The following TBC1D19 variants were observed in gnomAD, a reference collection of about 807,000 sequenced individuals.
TBC1D19 encodes the protein TBC1 domain family, member 19.
TBC1D19 carries 60 observed loss-of-function variants against 89.0 expected under a neutral mutation model. The ratio of observed to expected loss-of-function variants is 0.67; its 90% CI spans 0.55 to 0.84. TBC1D19 has a LOEUF of 0.84. TBC1D19 is among the 40% of genes least tolerant of loss of function. The pLI is 0.00. For synonymous variants in TBC1D19, 189 were observed against 199.7 expected (o/e 0.95, Z 0.45); for missense variants, 500 against 610.8 (o/e 0.82, Z 1.91).
intron 7 of TBC1D19, among the ~76,000 whole-genome samples, chr4:26,644,097 C>G (rs1284420720): frequency 2.6e-5 from 4 of 152,036 alleles, no homozygotes; most frequent in African/African-American, 9.7e-5. Flanking sequence ...ATCCGGATAC[C>G]AAAGCCTGGC....
chr4:26,593,459 C>G (rs1739968014), intron 1 of TBC1D19, among the ~76,000 whole-genome samples: 1 of 152,142 alleles, frequency 6.6e-6, no homozygotes, highest in African/African-American at 2.4e-5. Flanking sequence ...ACACCAAAAG[C>G]AATGGCAACA....
the TBC1D19 span, among the ~76,000 whole-genome samples, chr4:26,818,467 G>A: frequency 6.6e-6 from 1 of 152,146 alleles, no homozygotes; most frequent in Non-Finnish European, 1.5e-5. Context: ...TGTTGCCCAA[G>A]CTGGTCTCGA....
Position 26,683,750 on chromosome 4 carries a change from G to C in TBC1D19, c.891+1G>C, listed in dbSNP as rs1262339387. The C allele has an allele frequency of 6.2e-7, 1 of 1,606,478 alleles. No individual in the cohort carries two copies. The highest frequency in any genetic ancestry group is 8.5e-7 in the Non-Finnish European group (1 of 1,177,566). On this transcript the variant is annotated splice_donor_variant, in intron 12 of 20. Transcript: ENST00000264866. LOFTEE classifies it high-confidence loss of function. ...TTTGGTGGACAGTCTAATCTATAAAGTAAGTAAAAGTCAGCTTAGTTTTTC... is the reference window on the plus strand; with the variant it reads ...TTTGGTGGACAGTCTAATCTATAAACTAAGTAAAAGTCAGCTTAGTTTTTC...
chr4:26,791,011 T>C, the TBC1D19 span, among the ~76,000 whole-genome samples: 1 of 152,152 alleles, frequency 6.6e-6, no homozygotes, highest in East Asian at 1.9e-4. Context: ...AAGGTCATCT[T>C]TAGCTCTTTT....
the TBC1D19 span, among the ~76,000 whole-genome samples, chr4:26,830,861 C>G: frequency 5.9e-5 from 9 of 152,180 alleles, no homozygotes; most frequent in Non-Finnish European, 8.8e-5. Context: ...ACTGAACACG[C>G]TAGCCTCAGA....
At chr4:26,657,056 G>GTTC (rs59336873) in intron 7 of TBC1D19, among the ~76,000 whole-genome samples, 4,430 of 121,078 alleles carry the variant, frequency 0.037, 211 homozygotes, top group African/African-American at 0.13. Context: ...TCCTCTTCTT[G>GTTC]TTCTTCTTCT....
At chr4:26,820,019 A>G in the TBC1D19 span, among the ~76,000 whole-genome samples, 1 of 152,136 alleles carries the variant, frequency 6.6e-6, no homozygotes, top group Admixed American at 6.5e-5. Context: ...GCAAACTTCA[A>G]CATTTTTCTC....
intron 11 of TBC1D19, among the ~76,000 whole-genome samples, chr4:26,676,995 CTTT>C (rs1712871513): frequency 6.6e-6 from 1 of 152,130 alleles, no homozygotes; most frequent in Admixed American, 6.5e-5. Context: ...CTTTTCTAAA[CTTT>C]AAATGCAGCT....
chr4:26,661,764 T>C (rs940109144), intron 8 of TBC1D19, among the ~76,000 whole-genome samples: 1 of 152,158 alleles, frequency 6.6e-6, no homozygotes, highest in Non-Finnish European at 1.5e-5. Flanking sequence ...CATGACAGTA[T>C]ACTAGCATGC....
At chr4:26,774,394 G>A in the TBC1D19 span, among the ~76,000 whole-genome samples, 196 of 152,288 alleles carry the variant, frequency 1.3e-3, no homozygotes, top group African/African-American at 4.2e-3. Flanking sequence ...AGTCTAATCC[G>A]TTTAATAATA....
the TBC1D19 span, among the ~76,000 whole-genome samples, chr4:26,808,747 GA>G: frequency 1.6e-5 from 2 of 121,772 alleles, no homozygotes; most frequent in African/African-American, 5.9e-5. Flanking sequence ...AAAAAAAAAA[GA>G]AAAAGAAAAA....
At chr4:26,844,055 G>A in the TBC1D19 span, among the ~76,000 whole-genome samples, 5 of 152,248 alleles carry the variant, frequency 3.3e-5, 1 homozygote, top group Admixed American at 3.3e-4. Context: ...TTTAACATGG[G>A]ATTTGGAGGG....
chr4:26,599,824 T>C (rs1323877337), intron 1 of TBC1D19, among the ~76,000 whole-genome samples: 1 of 151,920 alleles, frequency 6.6e-6, no homozygotes, highest in African/African-American at 2.4e-5. Context: ...GGCGTGCATC[T>C]GTAGTCCCAG....
intron 9 of TBC1D19, among the ~76,000 whole-genome samples, chr4:26,668,606 A>G (rs886135364): frequency 5.3e-5 from 8 of 151,978 alleles, no homozygotes; most frequent in African/African-American, 1.9e-4. Flanking sequence ...GAAGGAGGCC[A>G]ATGACCTCTT....
At chr4:26,638,117 T>G (rs1032538167) in intron 5 of TBC1D19, among the ~76,000 whole-genome samples, 2 of 148,400 alleles carry the variant, frequency 1.3e-5, no homozygotes, top group Non-Finnish European at 2.9e-5. Context: ...GGAGAAAAGA[T>G]GAGAAAGAAA....
chr4:26,858,262 T>G, the TBC1D19 span: 2 of 143,652 alleles, frequency 1.4e-5, no homozygotes, highest in African/African-American at 2.7e-5. Flanking sequence ...TTGGTGAAAA[T>G]GGGACAGTGA....
intron 8 of TBC1D19, among the ~76,000 whole-genome samples, chr4:26,663,247 T>G (rs930276183): frequency 6.6e-6 from 1 of 152,174 alleles, no homozygotes; most frequent in Non-Finnish European, 1.5e-5. Flanking sequence ...AGTATAAGAA[T>G]GAAAACATTG....
intron 1 of TBC1D19, among the ~76,000 whole-genome samples, chr4:26,604,542 C>T (rs1006081393): frequency 6.6e-6 from 1 of 151,140 alleles, no homozygotes. Context: ...CATCTATAGA[C>T]ATTTGGATTA....
intron 15 of TBC1D19, among the ~76,000 whole-genome samples, chr4:26,727,114 A>G (rs1196004691): frequency 1.3e-5 from 2 of 152,208 alleles, no homozygotes; most frequent in African/African-American, 2.4e-5. Context: ...ATGTGCCCCA[A>G]GCATCCTGAC....
Sources: gnomAD v4.1 joint callset for allele counts (sites outside exome capture counted in the v4.1 genomes callset) on GRCh38, gnomAD v4.1.1 for gene constraint, MANE v1.5 for transcripts, NCBI Gene and HGNC (gene_info 2026-07-23, HGNC 2026-07-21) for gene names.